The following CNTNAP2 variants were observed in gnomAD, a reference collection of about 807,000 sequenced individuals.
CNTNAP2 encodes the protein contactin-associated protein-like 2.
A neutral mutation model predicts 155.2 loss-of-function variants in CNTNAP2; 98 were observed. The observed-to-expected ratio is 0.63, with a 90% CI of 0.54 to 0.75. The LOEUF is 0.75. CNTNAP2 is among the 30% of genes least tolerant of loss of function. The probability of loss-of-function intolerance (pLI) is 0.00; values close to 1 mark genes in which losing one functional copy is unlikely to be tolerated. For synonymous variants in CNTNAP2, 651 were observed against 631.2 expected, an observed-to-expected ratio of 1.03 and a Z score of -0.47; for missense variants, 1,727 against 1,688.1, an observed-to-expected ratio of 1.02 and a Z score of -0.40.
rs146170125 is a variant in CNTNAP2 at position 146,393,105 on chromosome 7, A to T, written c.97+276132A>T. Among the ~76,000 whole-genome samples the T allele has an allele frequency of 4.8e-3, 729 of 152,282 alleles. 5 individuals are homozygous for T. The highest frequency in any genetic ancestry group is 0.017 in the Middle Eastern group (5 of 294). On this transcript the variant is annotated intron_variant, in intron 1 of 23. Coordinates refer to ENST00000361727, the MANE Select transcript of CNTNAP2 (RefSeq NM_014141.6). Reference sequence around the variant, plus strand: ...TTGCGCTTCTATTATCTTCTAACTGATAACGTGCATACATTGTTAGTATTT... The same window carrying T: ...TTGCGCTTCTATTATCTTCTAACTGTTAACGTGCATACATTGTTAGTATTT...
chr7:147,822,472 G>A (rs973396078), intron 13 of CNTNAP2, among the ~76,000 whole-genome samples: 2 of 152,078 alleles, frequency 1.3e-5, no homozygotes, highest in Non-Finnish European at 2.9e-5. Flanking sequence ...CACCCTGTTG[G>A]AAGTATTGCA....
intron 8 of CNTNAP2, among the ~76,000 whole-genome samples, chr7:147,175,954 G>A (rs1351369398): frequency 1.3e-5 from 2 of 152,118 alleles, no homozygotes; most frequent in Admixed American, 6.5e-5. Flanking sequence ...CCAATGATTG[G>A]TCAAACATAT....
intron 2 of CNTNAP2, among the ~76,000 whole-genome samples, chr7:146,777,906 T>A (rs1250117274): frequency 1.3e-5 from 2 of 151,662 alleles, no homozygotes; most frequent in East Asian, 3.9e-4. Context: ...AAAAGAGATT[T>A]TTTTTTTTAA....
chr7:146,652,974 T>C (rs926269798), intron 1 of CNTNAP2, among the ~76,000 whole-genome samples: 5 of 152,160 alleles, frequency 3.3e-5, no homozygotes, highest in African/African-American at 9.7e-5. Context: ...CTTTCCTTTT[T>C]AGTCAGCAGG....
intron 2 of CNTNAP2, among the ~76,000 whole-genome samples, chr7:146,804,115 T>A (rs555113046): frequency 5.3e-5 from 8 of 152,220 alleles, no homozygotes; most frequent in African/African-American, 1.9e-4. Context: ...AGATTATATA[T>A]ATGCAGGCAC....
At chr7:146,532,594 A>G (rs534965539) in intron 1 of CNTNAP2, among the ~76,000 whole-genome samples, 16 of 152,268 alleles carry the variant, frequency 1.1e-4, no homozygotes, top group Admixed American at 5.2e-4. Context: ...CTGTAAGCGT[A>G]TATTTGGAAC....
At chr7:146,880,649 G>C (rs905513321) in intron 3 of CNTNAP2, among the ~76,000 whole-genome samples, 1 of 151,978 alleles carries the variant, frequency 6.6e-6, no homozygotes, top group Non-Finnish European at 1.5e-5. Flanking sequence ...ACCATTTAAG[G>C]AGTATATTTT....
chr7:146,521,713 T>G (rs1304634912), intron 1 of CNTNAP2, among the ~76,000 whole-genome samples: 1 of 152,030 alleles, frequency 6.6e-6, no homozygotes, highest in East Asian at 1.9e-4. Flanking sequence ...ATCCTTATAA[T>G]CATCCACCAT....
At chr7:147,364,828 G>A (rs1490559138) in intron 9 of CNTNAP2, among the ~76,000 whole-genome samples, 5 of 150,656 alleles carry the variant, frequency 3.3e-5, no homozygotes, top group Admixed American at 6.6e-5. Context: ...CAGCCTGGGC[G>A]ACGGAGTGAG....
intron 13 of CNTNAP2, among the ~76,000 whole-genome samples, chr7:147,834,022 T>C (rs1186309998): frequency 6.6e-6 from 1 of 152,178 alleles, no homozygotes; most frequent in Non-Finnish European, 1.5e-5. Flanking sequence ...AAAGGAAGAA[T>C]TGAAAGATTA....
intron 18 of CNTNAP2, among the ~76,000 whole-genome samples, chr7:148,180,036 C>T (rs746959883): frequency 3.3e-5 from 5 of 152,010 alleles, no homozygotes; most frequent in Non-Finnish European, 7.4e-5. Flanking sequence ...TTAATTAATA[C>T]AAAATATATA....
chr7:147,596,259 C>A (rs569499202), intron 12 of CNTNAP2, among the ~76,000 whole-genome samples: 1 of 152,162 alleles, frequency 6.6e-6, no homozygotes, highest in African/African-American at 2.4e-5. Context: ...CTCTCTTTTA[C>A]TACCTGCCAT....
At chr7:147,139,984 T>C (rs1007192753) in intron 8 of CNTNAP2, among the ~76,000 whole-genome samples, 1 of 152,084 alleles carries the variant, frequency 6.6e-6, no homozygotes, top group African/African-American at 2.4e-5. Context: ...TATATTTCCC[T>C]TGAGGCTTTT....
chr7:147,270,765 C>G (rs1261429104), intron 8 of CNTNAP2, among the ~76,000 whole-genome samples: 2 of 152,200 alleles, frequency 1.3e-5, no homozygotes, highest in African/African-American at 2.4e-5. Flanking sequence ...AGCCCTTAAG[C>G]CTCTGGTAAG....
chr7:147,346,129 T>TTTCA (rs1795852445), intron 9 of CNTNAP2, among the ~76,000 whole-genome samples: 1 of 56,118 alleles, frequency 1.8e-5, no homozygotes, highest in African/African-American at 1.4e-4. Context: ...TAATCGAAGA[T>TTTCA]TTTATTTTAT....
At chr7:147,989,972 C>G (rs1801681484) in intron 15 of CNTNAP2, among the ~76,000 whole-genome samples, 1 of 152,160 alleles carries the variant, frequency 6.6e-6, no homozygotes, top group African/African-American at 2.4e-5. Context: ...AGCACAGTCC[C>G]CAACAAAACA....
At chr7:148,026,635 C>A (rs747490517) in intron 15 of CNTNAP2, among the ~76,000 whole-genome samples, 1 of 152,142 alleles carries the variant, frequency 6.6e-6, no homozygotes, top group Non-Finnish European at 1.5e-5. Context: ...TATTTACATT[C>A]TCTGGGCTTT....
intron 3 of CNTNAP2, among the ~76,000 whole-genome samples, chr7:146,871,520 G>A (rs890508537): frequency 6.6e-6 from 1 of 150,906 alleles, no homozygotes; most frequent in Non-Finnish European, 1.5e-5. Context: ...ACTGAGCAAG[G>A]CTCCGTCTAA....
intron 1 of CNTNAP2, among the ~76,000 whole-genome samples, chr7:146,508,587 A>G (rs1407023084): frequency 6.6e-6 from 1 of 152,154 alleles, no homozygotes; most frequent in East Asian, 1.9e-4. Context: ...GTGGACTGCC[A>G]ATTCCACATG....
Sources: gnomAD v4.1 joint callset for allele counts (sites outside exome capture counted in the v4.1 genomes callset) on GRCh38, gnomAD v4.1.1 for gene constraint, MANE v1.5 for transcripts, NCBI Gene and HGNC (gene_info 2026-07-23, HGNC 2026-07-21) for gene names.